Variants in GXYLT2 observed in about 807,000 individuals in gnomAD.
GXYLT2 encodes the protein glucoside xylosyltransferase 2, also known as glycosyltransferase 8 domain containing 4.
GXYLT2 carries 53 observed loss-of-function variants against 45.8 expected under a neutral mutation model. The observed-to-expected ratio is 1.16, with a 90% CI of 0.93 to 1.46. GXYLT2 has a LOEUF of 1.46. GXYLT2 is among the 40% of genes most tolerant of loss of function. The pLI, the probability that GXYLT2 is intolerant of heterozygous loss-of-function variation, is 0.00. For missense variants in GXYLT2, 551 were observed against 544.4 expected (o/e 1.01, Z -0.12); for synonymous variants, 219 against 214.2 (o/e 1.02, Z -0.19).
chr3:72,907,509 CT>C lies in GXYLT2; in HGVS notation c.276-856del, dbSNP rs137953060. On this transcript the variant is annotated intron_variant, in intron 1 of 6. Coordinates refer to ENST00000389617, the MANE Select transcript of GXYLT2 (RefSeq NM_001080393.2). ...CCTTTTCCAGGCCAACTTCTTCCAA[CT>C]TGACTGCAAATGTTTCTCAGTGGTG... Among the ~76,000 whole-genome samples the C allele has an allele frequency of 3.6e-3, 551 of 152,230 alleles. 4 individuals carry two copies. The highest frequency in any genetic ancestry group is 0.013 in the African/African-American group (527 of 41,530).
At position 72,949,420 on chromosome 3, in the gene GXYLT2, A is replaced by G. The variant is rs942031576; in HGVS notation, c.601-5678A>G. 3.4e-5 allele frequency among the ~76,000 whole-genome samples: 5 copies of G among 148,360 alleles called. No individual in the cohort carries two copies. In the South Asian group the frequency reaches 8.5e-4, roughly 25 times the overall value. On this transcript the variant is annotated intron_variant, in intron 3 of 6. Coordinates refer to ENST00000389617, the MANE Select transcript of GXYLT2 (RefSeq NM_001080393.2). Reference sequence around the variant, plus strand: ...GTGCTTCTGTGCTAACCTTCTCATCATCACTTTGCTTTGCCCCTTTTCTGT... The same window carrying G: ...GTGCTTCTGTGCTAACCTTCTCATCGTCACTTTGCTTTGCCCCTTTTCTGT...
chr3:72,941,297 T>G (rs1710294240), intron 3 of GXYLT2, among the ~76,000 whole-genome samples: 1 of 152,224 alleles, frequency 6.6e-6, no homozygotes, highest in African/African-American at 2.4e-5. Flanking sequence ...AATGCTATCC[T>G]CATCAGATGG....
chr3:72,915,354 T>TTTGGG (rs71126805), intron 2 of GXYLT2, among the ~76,000 whole-genome samples: 6 of 33,484 alleles, frequency 1.8e-4, no homozygotes, highest in African/African-American at 6.5e-4. Context: ...TTTTTTTTTT[T>TTTGGG]GCGGGGGGGG....
At chr3:72,899,896 T>A (rs1026978344) in intron 1 of GXYLT2, among the ~76,000 whole-genome samples, 10 of 152,240 alleles carry the variant, frequency 6.6e-5, no homozygotes, top group African/African-American at 2.4e-4. Flanking sequence ...CACATATTTC[T>A]GTTTCCTTCT....
intron 1 of GXYLT2, among the ~76,000 whole-genome samples, chr3:72,898,657 T>TA (rs1476576822): frequency 6.6e-6 from 1 of 152,164 alleles, no homozygotes; most frequent in Non-Finnish European, 1.5e-5. Flanking sequence ...CGGGGAGGCA[T>TA]GGGAGACTGA....
chr3:72,922,063 G>A (rs1000193283), intron 2 of GXYLT2, 141 bp from the exon 3 acceptor site: 16 of 688,394 alleles, frequency 2.3e-5, no homozygotes, highest in African/African-American at 5.5e-5. Flanking sequence ...TTCATTTAGT[G>A]AACATTCATA....
intron 1 of GXYLT2, among the ~76,000 whole-genome samples, chr3:72,897,690 C>G (rs1043433130): frequency 1.3e-5 from 2 of 152,138 alleles, no homozygotes; most frequent in Admixed American, 6.6e-5. Flanking sequence ...CAGTGGTATG[C>G]CCATTTTACA....
intron 1 of GXYLT2, among the ~76,000 whole-genome samples, chr3:72,892,416 C>G (rs1057503380): frequency 3.3e-5 from 5 of 152,196 alleles, no homozygotes; most frequent in African/African-American, 9.7e-5. Context: ...CTTAAGATAC[C>G]TCTAAGCCCT....
intron 6 of GXYLT2, 74 bp downstream of exon 6, chr3:72,967,793 C>G: frequency 2.3e-6 from 3 of 1,301,870 alleles, no homozygotes; most frequent in Non-Finnish European, 3.3e-6. Context: ...AGTCACCTGT[C>G]CCTTTGAAGG....
In GXYLT2 at chr3:72,954,002, G is replaced by A. The variant is rs183680434; in HGVS notation, c.601-1096G>A. 3.5e-3 allele frequency among the ~76,000 whole-genome samples: 529 copies of A among 152,242 alleles called. 3 individuals carry two copies. The highest frequency in any genetic ancestry group is 0.012 in the African/African-American group (499 of 41,540). On this transcript the variant is annotated intron_variant, in intron 3 of 6. Transcript: ENST00000389617. ...GCTACTCGGGAGGCTGAGGTGGGAC[G>A]ACCACTTGAGTCCAGGAGATTGAGA... is the stretch of plus-strand genomic sequence containing the variant.
chr3:72,902,702 A>G (rs1283669991), intron 1 of GXYLT2, among the ~76,000 whole-genome samples: 1 of 139,178 alleles, frequency 7.2e-6, no homozygotes, highest in Non-Finnish European at 1.6e-5. Context: ...AATAAATAAG[A>G]AAGGCCAGGT....
At chr3:72,936,532 C>T (rs1363505255) in intron 3 of GXYLT2, among the ~76,000 whole-genome samples, 1 of 151,862 alleles carries the variant, frequency 6.6e-6, no homozygotes, top group Non-Finnish European at 1.5e-5. Flanking sequence ...CCCAGCTACT[C>T]GGGAGGCTGA....
intron 3 of GXYLT2, among the ~76,000 whole-genome samples, chr3:72,954,288 A>G (rs1361813736): frequency 6.6e-6 from 1 of 151,452 alleles, no homozygotes; most frequent in East Asian, 1.9e-4. Context: ...TTGTATTTTT[A>G]GTAGAGACAG....
intron 5 of GXYLT2, among the ~76,000 whole-genome samples, chr3:72,960,596 T>G (rs1341851711): frequency 6.6e-6 from 1 of 152,190 alleles, no homozygotes; most frequent in Non-Finnish European, 1.5e-5. Context: ...AGTTTTCTGG[T>G]TTTAGATGAG....
intron 3 of GXYLT2, among the ~76,000 whole-genome samples, chr3:72,954,144 G>A (rs1193536849): frequency 6.6e-6 from 1 of 151,938 alleles, no homozygotes; most frequent in Admixed American, 6.6e-5. Flanking sequence ...TTGCTCTGTT[G>A]CCAGGCTAGA....
At chr3:72,921,293 A>G (rs1709829960) in intron 2 of GXYLT2, among the ~76,000 whole-genome samples, 1 of 152,218 alleles carries the variant, frequency 6.6e-6, no homozygotes, top group Non-Finnish European at 1.5e-5. Flanking sequence ...CAATGCAGTC[A>G]TTAGTGACAA....
At chr3:72,968,814 C>A (rs1265323891) in intron 6 of GXYLT2, among the ~76,000 whole-genome samples, 1 of 152,146 alleles carries the variant, frequency 6.6e-6, no homozygotes, top group African/African-American at 2.4e-5. Flanking sequence ...GTAATCCCTG[C>A]ACTTTGGGAG....
chr3:72,890,546 T>A (rs997943141), intron 1 of GXYLT2, among the ~76,000 whole-genome samples: 4 of 152,260 alleles, frequency 2.6e-5, no homozygotes, highest in African/African-American at 9.6e-5. Flanking sequence ...TGGGCTCAGG[T>A]TGAGCACTTA....
chr3:72,959,593 A>T (rs1445041860), intron 5 of GXYLT2, among the ~76,000 whole-genome samples: 2 of 151,854 alleles, frequency 1.3e-5, no homozygotes, highest in East Asian at 3.9e-4. Flanking sequence ...TTTCACTGTG[A>T]CAGTAGGTCT....
Sources: gnomAD v4.1 joint callset for allele counts (sites outside exome capture counted in the v4.1 genomes callset) on GRCh38, gnomAD v4.1.1 for gene constraint, MANE v1.5 for transcripts, NCBI Gene and HGNC (gene_info 2026-07-23, HGNC 2026-07-21) for gene names.